Variants in RREB1 observed in about 807,000 individuals in gnomAD.
The protein encoded by RREB1 is ras responsive element binding protein 1.
Under a neutral mutation model 117.8 loss-of-function variants are expected in RREB1, and 27 were observed. That is an observed-to-expected ratio of 0.23 (90% CI 0.17 to 0.32). The LOEUF is 0.32. RREB1 is among the 10% of genes least tolerant of loss of function. The pLI is 1.00. For missense variants in RREB1, 2,577 were observed against 2,378.2 expected (o/e 1.08, Z -1.74); for synonymous variants, 1,298 against 1,026.7 (o/e 1.26, Z -5.05).
At chr6:7,127,848 G>T (rs1382072839) in intron 1 of RREB1, among the ~76,000 whole-genome samples, 1 of 152,066 alleles carries the variant, frequency 6.6e-6, no homozygotes, top group Non-Finnish European at 1.5e-5. Context: ...TCACGACTCT[G>T]CCCCTCAGAT....
intron 12 of RREB1, among the ~76,000 whole-genome samples, 176 bp from the exon 13 acceptor site, chr6:7,248,335 A>G (rs964670192): frequency 1.3e-5 from 2 of 152,188 alleles, no homozygotes; most frequent in African/African-American, 4.8e-5. Context: ...TTGAACCAGC[A>G]AACAGAGCTT....
intron 10 of RREB1, among the ~76,000 whole-genome samples, chr6:7,236,887 GTTTTTTTT>G (rs869133214): frequency 3.2e-5 from 2 of 63,404 alleles, no homozygotes; most frequent in Non-Finnish European, 5.4e-5. Context: ...GTTTTTGGAG[GTTTTTTTT>G]TTTTTTTTTT....
intron 1 of RREB1, among the ~76,000 whole-genome samples, chr6:7,169,683 A>G (rs897039769): frequency 2.6e-5 from 4 of 152,202 alleles, no homozygotes; most frequent in Admixed American, 6.5e-5. Context: ...AGCTACAAGA[A>G]GTGGAGTCAG....
chr6:7,129,742 C>T (rs529131691), intron 1 of RREB1, among the ~76,000 whole-genome samples: 19 of 152,290 alleles, frequency 1.2e-4, no homozygotes, highest in Admixed American at 5.9e-4. Flanking sequence ...ATCCTGTTGT[C>T]GGAAAGGTGC....
chr6:7,114,911 CCT>C, intron 1 of RREB1, among the ~76,000 whole-genome samples: 1 of 152,078 alleles, frequency 6.6e-6, no homozygotes, highest in African/African-American at 2.4e-5. Context: ...TTCCCAGTCA[CCT>C]CTTCAGTTAT....
At chr6:7,124,683 G>T (rs1470657663) in intron 1 of RREB1, among the ~76,000 whole-genome samples, 1 of 152,222 alleles carries the variant, frequency 6.6e-6, no homozygotes, top group African/African-American at 2.4e-5. Flanking sequence ...CAGCATGGTG[G>T]CAGTAGAAGC....
chr6:7,223,467 G>A (rs781482747), intron 8 of RREB1, among the ~76,000 whole-genome samples: 11 of 148,862 alleles, frequency 7.4e-5, no homozygotes, highest in Non-Finnish European at 1.3e-4. Context: ...AGGCTGAAGC[G>A]GGAGAATCAC....
chr6:7,163,733 T>A lies in RREB1; in HGVS notation c.-284-12922T>A, dbSNP rs4435992. On this transcript the variant is annotated intron_variant, in intron 1 of 12. Coordinates refer to ENST00000379938, the MANE Select transcript of RREB1 (RefSeq NM_001003699.4). ...TTGTGGGGCTGGCAGAGCATGAAAT[T>A]GAGTTTGTGTGAGCACGTGTGTGCC... is the stretch of plus-strand genomic sequence containing the variant. 5.9e-5 allele frequency among the ~76,000 whole-genome samples: 9 copies of A among 152,260 alleles called. No homozygotes were observed. In the South Asian group the frequency reaches 1.7e-3, roughly 28 times the overall value.
At chr6:7,196,154 G>T (rs561670307) in intron 6 of RREB1, among the ~76,000 whole-genome samples, 1 of 149,032 alleles carries the variant, frequency 6.7e-6, no homozygotes, top group Non-Finnish European at 1.5e-5. Context: ...GCCCTCCGGT[G>T]TTGCCTGCTT....
At chr6:7,204,653 G>GTA (rs1251019662) in intron 6 of RREB1, among the ~76,000 whole-genome samples, 2 of 152,150 alleles carry the variant, frequency 1.3e-5, no homozygotes, top group Non-Finnish European at 2.9e-5. Context: ...TGTGTGCTTT[G>GTA]TATACAGTGT....
At chr6:7,240,361 G>A (rs1170874244) in intron 10 of RREB1, 77 bp from the exon 11 acceptor site, 2 of 1,241,480 alleles carry the variant, frequency 1.6e-6, no homozygotes, top group Non-Finnish European at 2.3e-6. Context: ...ATGATCCCAG[G>A]AGAATAAACA....
At chr6:7,208,446 T>G (rs1422715106) in intron 6 of RREB1, among the ~76,000 whole-genome samples, 1 of 152,226 alleles carries the variant, frequency 6.6e-6, no homozygotes, top group Non-Finnish European at 1.5e-5. Flanking sequence ...AGGTTGTCAG[T>G]GCAGCTTTTG....
chr6:7,189,086 G>C (rs544361466), intron 5 of RREB1, 73 bp from the exon 6 acceptor site: 2 of 1,404,662 alleles, frequency 1.4e-6, no homozygotes, highest in East Asian at 2.5e-5. Context: ...TAAAGCTCTG[G>C]ATCTGCATTT....
chr6:7,232,010 T>C (rs1581578791), intron 10 of RREB1, 103 bp downstream of exon 10: 4 of 1,247,046 alleles, frequency 3.2e-6, no homozygotes, highest in African/African-American at 3.0e-5. Context: ...GTTCCAGTTA[T>C]TCCTAGCTTG....
rs776840775 is a variant in RREB1, at chr6:7,230,692, C to T, written c.2593C>T (p.Pro865Ser). Reference protein sequence around the residue: ...DCKPLTAFLEPQNGFLHRGPT... With the variant: ...DCKPLTAFLESQNGFLHRGPT... ...CAAGCCCCTCACTGCCTTCCTGGAA[C>T]CCCAGAACGGCTTTCTTCACAGGGG... The change falls in exon 10 of 13, where the codon CCC (proline) becomes TCC (serine). Residue 865 changes from proline (P) to serine (S), a missense_variant. Transcript: ENST00000379938. The T allele has an allele frequency of 6.3e-7, 1 of 1,593,832 alleles. No individual in the cohort carries two copies. Among genetic ancestry groups the T allele is most frequent in the Non-Finnish European group, 8.6e-7 (1 of 1,169,322 alleles).
In RREB1 at chr6:7,226,447, T is replaced by C; in HGVS notation, c.708-20T>C. On this transcript the variant is annotated intron_variant, in intron 8 of 12. Coordinates refer to ENST00000379938, the MANE Select transcript of RREB1 (RefSeq NM_001003699.4). ...ATGCTCTCCCTTTCTGCCTCATATG[T>C]TCTCCCTTTCCTCTCCTAGATGTGA... The C allele has an allele frequency of 6.3e-7, 1 of 1,590,174 alleles. No individual in the cohort carries two copies. Among genetic ancestry groups the C allele is most frequent in the South Asian group, 1.1e-5 (1 of 87,816 alleles).
intron 8 of RREB1, among the ~76,000 whole-genome samples, chr6:7,223,167 G>A (rs1308668625): frequency 6.6e-6 from 1 of 151,104 alleles, no homozygotes; most frequent in Non-Finnish European, 1.5e-5. Flanking sequence ...TGAGGTGGGA[G>A]GATCACTTGC....
chr6:7,155,381 A>G (rs1054184916), intron 1 of RREB1, among the ~76,000 whole-genome samples: 1 of 152,218 alleles, frequency 6.6e-6, no homozygotes, highest in Non-Finnish European at 1.5e-5. Flanking sequence ...ATCTTGGCTC[A>G]CTGCAACTTC....
intron 1 of RREB1, among the ~76,000 whole-genome samples, chr6:7,161,909 A>G (rs569791653): frequency 6.6e-6 from 1 of 152,162 alleles, no homozygotes; most frequent in African/African-American, 2.4e-5. Context: ...TCTGCTACCA[A>G]GAGCTTTTTA....
Sources: gnomAD v4.1 joint callset for allele counts (sites outside exome capture counted in the v4.1 genomes callset) on GRCh38, gnomAD v4.1.1 for gene constraint, MANE v1.5 for transcripts, NCBI Gene and HGNC (gene_info 2026-07-23, HGNC 2026-07-21) for gene names.